NXN: variants seen among roughly 807,000 people sequenced by gnomAD.
The protein encoded by NXN is nucleoredoxin.
Under a neutral mutation model 48.6 loss-of-function variants are expected in NXN, and 16 were observed. The ratio of observed to expected loss-of-function variants is 0.33; its 90% CI spans 0.22 to 0.50. The LOEUF (loss-of-function observed/expected upper bound fraction) is 0.50, where lower values mean the gene tolerates loss of function less well. Among genes scored for constraint, NXN ranks in the 20% least tolerant of loss-of-function variants. NXN has a pLI of 0.98. For missense variants in NXN, 492 were observed against 605.5 expected (o/e 0.81, Z 1.97); for synonymous variants, 281 against 269.6 (o/e 1.04, Z -0.41).
rs969487263 is a variant in NXN at position 837,789 on chromosome 17, G to A, written c.361-11711C>T. 5.3e-5 allele frequency among the ~76,000 whole-genome samples: 8 copies of A among 152,206 alleles called. No homozygotes were observed. In the East Asian group the frequency reaches 7.7e-4, roughly 15 times the overall value. On this transcript the variant is annotated intron_variant, in intron 1 of 7. Coordinates refer to ENST00000336868, the MANE Select transcript of NXN (RefSeq NM_022463.5). ...CCCGTGTGACCAAGGGAAAGGGGCC[G>A]GGGGTCCGGGCCAGGCTGATCCGAG...
chr17:969,802 A>T (rs2069351873), intron 1 of NXN, among the ~76,000 whole-genome samples: 3 of 152,204 alleles, frequency 2.0e-5, no homozygotes, highest in African/African-American at 7.2e-5. Context: ...GAACTGATGC[A>T]TCTGGATGAA....
At chr17:823,605 T>G (rs763081387) in intron 3 of NXN, 27 bp downstream of exon 3, 4 of 1,613,448 alleles carry the variant, frequency 2.5e-6, no homozygotes, top group Non-Finnish European at 3.4e-6. Flanking sequence ...TCCTTCTGTC[T>G]GAGCCAAAGG....
At chr17:977,319 C>G (rs1177248386) in intron 1 of NXN, among the ~76,000 whole-genome samples, 2 of 152,200 alleles carry the variant, frequency 1.3e-5, no homozygotes, top group Admixed American at 1.3e-4. Flanking sequence ...AGGGTTTGGG[C>G]ACGTCCAGCA....
intron 1 of NXN, among the ~76,000 whole-genome samples, chr17:960,422 C>A (rs2069223332): frequency 6.6e-6 from 1 of 152,102 alleles, no homozygotes; most frequent in Non-Finnish European, 1.5e-5. Flanking sequence ...CGGCTCACTG[C>A]AGCCTCAACC....
chr17:915,472 A>G (rs184095333), intron 1 of NXN, among the ~76,000 whole-genome samples: 216 of 151,508 alleles, frequency 1.4e-3, no homozygotes, highest in Middle Eastern at 6.8e-3. Context: ...TTTTGTAAAG[A>G]CTGGGTTTTG....
intron 1 of NXN, among the ~76,000 whole-genome samples, chr17:869,404 C>A (rs1432255496): frequency 6.6e-6 from 1 of 152,118 alleles, no homozygotes; most frequent in Non-Finnish European, 1.5e-5. Flanking sequence ...TCCAGGGGGG[C>A]TGCCTGACAC....
At chr17:813,196 T>C (rs369689088) in intron 5 of NXN, among the ~76,000 whole-genome samples, 7 of 152,392 alleles carry the variant, frequency 4.6e-5, no homozygotes, top group East Asian at 1.9e-4. Flanking sequence ...TATGAACGAA[T>C]GCACAGTTCC....
In NXN at chr17:979,304, GC is replaced by G. The variant is rs202104331; in HGVS notation, c.360+14del. ...TGGGGGGCGGGCAGGGGCCGGCGAG[GC>G]CCGCGCCGCTCACCTTCCTGTGCTT... On this transcript the variant is annotated intron_variant, in intron 1 of 7. Coordinates refer to ENST00000336868, the MANE Select transcript of NXN (RefSeq NM_022463.5). 2,338 of 1,492,566 alleles carry G rather than the reference GC, an allele frequency of 1.6e-3. 52 individuals carry two copies. The African/African-American group carries it at 0.032, about 20-fold the overall frequency. 92.5% of individuals were successfully genotyped at this position (1,492,566 alleles called of 1,614,324 possible). A position where few individuals can be genotyped will look rare whatever the true frequency, so the allele number is the denominator to read the frequency against.
chr17:969,476 A>G (rs183289502), intron 1 of NXN, among the ~76,000 whole-genome samples: 38 of 152,346 alleles, frequency 2.5e-4, no homozygotes, highest in African/African-American at 8.7e-4. Flanking sequence ...ATTGCAGTCA[A>G]GAACATGCCC....
intron 1 of NXN, among the ~76,000 whole-genome samples, chr17:912,673 T>C (rs775142671): frequency 5.0e-4 from 76 of 152,156 alleles, no homozygotes; most frequent in Admixed American, 1.1e-3. Context: ...CAGTGGGCAG[T>C]GGCTCACACC....
chr17:878,377 C>T (rs901676036), intron 1 of NXN: 1 of 55,062 alleles, frequency 1.8e-5, no homozygotes, highest in Non-Finnish European at 3.6e-5. Context: ...GGTTTCGGGG[C>T]GGGGCAGGGG....
rs190034945 is a variant in NXN, at chr17:965,196, G to A, written c.360+14123C>T. 2.2e-3 allele frequency among the ~76,000 whole-genome samples: 338 copies of A among 152,306 alleles called. 1 individual carries two copies. The highest frequency in any genetic ancestry group is 7.6e-3 in the African/African-American group (315 of 41,574). Reference sequence around the variant, plus strand: ...GTTCTCAGATTACATCCAAGAGGGAGAACGTGGGCCTTAAGCTCACTTAAC... The same window carrying A: ...GTTCTCAGATTACATCCAAGAGGGAAAACGTGGGCCTTAAGCTCACTTAAC... On this transcript the variant is annotated intron_variant, in intron 1 of 7. Coordinates refer to ENST00000336868, the MANE Select transcript of NXN (RefSeq NM_022463.5).
rs1340800645 is a variant in NXN, at chr17:830,238, C to T, written c.361-4160G>A. Among the ~76,000 whole-genome samples, 5 of 152,310 alleles carry T rather than the reference C, an allele frequency of 3.3e-5. No individual in the cohort carries two copies. Among genetic ancestry groups the T allele is most frequent in the East Asian group, 1.9e-4 (1 of 5,190 alleles). ...GTGAGCGCCCACTGTGTGCCAGGCTCGTTCTAAGCACAAGAGATTCAGTTA... is the reference window on the plus strand; with the variant it reads ...GTGAGCGCCCACTGTGTGCCAGGCTTGTTCTAAGCACAAGAGATTCAGTTA... On this transcript the variant is annotated intron_variant, in intron 1 of 7. Transcript: ENST00000336868. This position sits in a 1 kb window ranked among gnomAD's most constrained non-coding sequence, Gnocchi z 4.2.
intron 1 of NXN, among the ~76,000 whole-genome samples, chr17:915,508 C>T (rs558535979): frequency 6.6e-6 from 1 of 151,958 alleles, no homozygotes; most frequent in Non-Finnish European, 1.5e-5. Context: ...TGGTCTCAAA[C>T]TCTTGGGCTC....
At chr17:853,702 C>CAG (rs1269027449) in intron 1 of NXN, among the ~76,000 whole-genome samples, 1 of 119,316 alleles carries the variant, frequency 8.4e-6, no homozygotes, top group African/African-American at 3.6e-5. Context: ...CTGTTATACA[C>CAG]ATATATATAT....
chr17:934,764 C>T (rs2068891095), intron 1 of NXN, among the ~76,000 whole-genome samples: 1 of 151,806 alleles, frequency 6.6e-6, no homozygotes. Flanking sequence ...ATCCCAGCTA[C>T]TTGGGAGGCT....
At chr17:964,889 C>T (rs986912646) in intron 1 of NXN, among the ~76,000 whole-genome samples, 4 of 152,204 alleles carry the variant, frequency 2.6e-5, no homozygotes, top group African/African-American at 7.2e-5. Context: ...CAGCGGGCTT[C>T]GCATCCTGTG....
At chr17:810,108 G>A (rs1464215916) in intron 5 of NXN, among the ~76,000 whole-genome samples, 5 of 122,982 alleles carry the variant, frequency 4.1e-5, no homozygotes, top group South Asian at 5.7e-4. Flanking sequence ...TGGCGTGCAC[G>A]TTACGAGTCC....
rs1265196857 is a variant in NXN at position 857,933 on chromosome 17, A to T, written c.361-31855T>A. The stretch of plus-strand genomic sequence containing the variant: ...TCAATAAATTACTAACGTTTCTCTA[A>T]CACCTGCTCATCTTCCTTTTTAACC... On this transcript the variant is annotated intron_variant, in intron 1 of 7. Transcript: ENST00000336868. Among the ~76,000 whole-genome samples the T allele has an allele frequency of 3.3e-5, 5 of 151,912 alleles. No homozygotes were observed. The East Asian group carries it at 9.7e-4, about 29-fold the overall frequency.
Sources: allele counts gnomAD v4.1 joint callset (sites outside exome capture counted in the v4.1 genomes callset), GRCh38; gene constraint gnomAD v4.1.1; non-coding constraint Gnocchi (gnomAD v3.1); transcripts MANE v1.5; gene names NCBI Gene and HGNC (gene_info 2026-07-23, HGNC 2026-07-21).